Variants in CMIP observed in about 807,000 individuals in gnomAD.
The protein encoded by CMIP is C-Maf-inducing protein.
Under a neutral mutation model 97.3 loss-of-function variants are expected in CMIP, and 13 were observed. The ratio of observed to expected loss-of-function variants is 0.13; its 90% CI spans 0.09 to 0.21. The LOEUF (loss-of-function observed/expected upper bound fraction) is 0.21. Among genes scored for constraint, CMIP ranks in the 10% least tolerant of loss-of-function variants. The pLI is 1.00. For missense variants in CMIP, 847 were observed against 1,024.9 expected (o/e 0.83, Z 2.37); for synonymous variants, 538 against 436.3 (o/e 1.23, Z -2.91).
chr16:81,568,490 T>C (rs938033703), intron 1 of CMIP, among the ~76,000 whole-genome samples: 16 of 152,062 alleles, frequency 1.1e-4, no homozygotes, highest in African/African-American at 3.9e-4. Context: ...GCCTCGGGAG[T>C]GAGTCACTCT....
chr16:81,527,730 A>G (rs978611494), intron 1 of CMIP, among the ~76,000 whole-genome samples: 2 of 152,206 alleles, frequency 1.3e-5, no homozygotes, highest in Non-Finnish European at 2.9e-5. Context: ...CTTTGGCTCC[A>G]CATGTGTTTG....
chr16:81,688,554 G>A (rs1567663912), intron 10 of CMIP, among the ~76,000 whole-genome samples: 1 of 152,222 alleles, frequency 6.6e-6, no homozygotes, highest in Non-Finnish European at 1.5e-5. Context: ...AAGAGTAAAT[G>A]AACTAAGGTA....
In CMIP at chr16:81,445,365, C is replaced by T. The variant is rs1397847084; in HGVS notation, c.124C>T (p.Arg42Trp). 2 of 1,603,910 alleles carry T rather than the reference C, an allele frequency of 1.2e-6. No homozygotes were observed. Among genetic ancestry groups the T allele is most frequent in the Non-Finnish European group, 1.7e-6 (2 of 1,175,706 alleles). The change falls in exon 1 of 21, where the codon CGG becomes TGG. Residue 42 changes from arginine to tryptophan, a missense_variant. Transcript: ENST00000537098. ...GTKMGAVPCRRALLLCNGMRY... is the reference protein window; with the variant it reads ...GTKMGAVPCRWALLLCNGMRY... The stretch of plus-strand genomic sequence containing the variant: ...GAAGATGGGCGCCGTGCCCTGCCGC[C>T]GGGCTCTTCTGCTTTGCAACGGGAT...
intron 1 of CMIP, among the ~76,000 whole-genome samples, chr16:81,565,976 A>G (rs2090976564): frequency 6.6e-6 from 1 of 152,178 alleles, no homozygotes; most frequent in Admixed American, 6.5e-5. Context: ...CCGAACACTC[A>G]TAGCCAGCCC....
intron 1 of CMIP, among the ~76,000 whole-genome samples, chr16:81,512,049 G>A (rs144704110): frequency 1.3e-5 from 2 of 152,216 alleles, no homozygotes; most frequent in Non-Finnish European, 2.9e-5. Context: ...ATTATATGTT[G>A]AAGTGATAAT....
chr16:81,494,365 C>A (rs2150769670), intron 1 of CMIP, among the ~76,000 whole-genome samples: 1 of 152,336 alleles, frequency 6.6e-6, no homozygotes, highest in African/African-American at 2.4e-5. Context: ...AAGCTTTCCC[C>A]AGAACTGGCC....
Position 81,615,268 on chromosome 16 carries a change from G to A in CMIP, c.427-5608G>A, listed in dbSNP as rs565126312. ...CTGTGTGTGTGGTGTATGTGTCTAC[G>A]TGGTATGTGGCTGTGTGGTGTGTGT... On this transcript the variant is annotated intron_variant, in intron 2 of 20. Coordinates refer to ENST00000537098, the MANE Select transcript of CMIP (RefSeq NM_198390.3). 2.4e-3 allele frequency among the ~76,000 whole-genome samples: 349 copies of A among 145,078 alleles called. 1 individual carries two copies. The highest frequency in any genetic ancestry group is 8.4e-3 in the African/African-American group (327 of 38,854).
At chr16:81,525,991 TG>T (rs1425737782) in intron 1 of CMIP, among the ~76,000 whole-genome samples, 1 of 33,112 alleles carries the variant, frequency 3.0e-5, no homozygotes, top group African/African-American at 2.0e-4. Flanking sequence ...TGTGTGTGTG[TG>T]TGTGTGTGTG....
chr16:81,459,073 C>T (rs1029857277), intron 1 of CMIP, among the ~76,000 whole-genome samples: 9 of 151,968 alleles, frequency 5.9e-5, no homozygotes, highest in East Asian at 1.9e-4. Context: ...TCACCGTCAC[C>T]GTCACCATCA....
In CMIP at chr16:81,551,112, T is replaced by TCCCAGTTCCATCACACGGAC. The variant is rs1567574215; in HGVS notation, c.301-56438_301-56437insGACCCCAGTTCCATCACACG. On this transcript the variant is annotated intron_variant, in intron 1 of 20. Coordinates refer to ENST00000537098, the MANE Select transcript of CMIP (RefSeq NM_198390.3). The stretch of plus-strand genomic sequence containing the variant: ...ACGCACCCCAGTTCCATCACATATA[T>TCCCAGTTCCATCACACGGAC]CCCAGTTCCATCACACGCACCCCAG... Among the ~76,000 whole-genome samples, 30 of 37,558 alleles carry TCCCAGTTCCATCACACGGAC rather than the reference T, an allele frequency of 8.0e-4. 1 individual carries two copies. Among genetic ancestry groups the TCCCAGTTCCATCACACGGAC allele is most frequent in the African/African-American group, 2.6e-3 (25 of 9,504 alleles). The allele number at this position is 37,558 out of a possible 152,430, so 24.6% of individuals were successfully genotyped here. A position where few individuals can be genotyped will look rare whatever the true frequency, so the allele number is the denominator to read the frequency against.
chr16:81,664,861 A>G (rs969279448), intron 7 of CMIP: 1 of 184,720 alleles, frequency 5.4e-6, no homozygotes, highest in South Asian at 1.9e-4. Flanking sequence ...TAAAAACGAC[A>G]CTTGACCTCT....
At chr16:81,529,679 G>T (rs1268728133) in intron 1 of CMIP, among the ~76,000 whole-genome samples, 1 of 152,218 alleles carries the variant, frequency 6.6e-6, no homozygotes, top group African/African-American at 2.4e-5. Context: ...GACAGAGGGA[G>T]GTGGGAGAGT....
Position 81,493,138 on chromosome 16 carries a change from G to A in CMIP, c.300+47597G>A, listed in dbSNP as rs529652363. On this transcript the variant is annotated intron_variant, in intron 1 of 20. Coordinates refer to ENST00000537098, the MANE Select transcript of CMIP (RefSeq NM_198390.3). ...TTCCTGCCCCTCCAGGGTCTTGTAC[G>A]TCCTCACAGAGGACCTAGGGCCTTG... is the stretch of plus-strand genomic sequence containing the variant. 1.6e-4 allele frequency among the ~76,000 whole-genome samples: 24 copies of A among 152,234 alleles called. No individual in the cohort carries two copies. The East Asian group carries it at 3.9e-3, about 25-fold the overall frequency.
intron 1 of CMIP, among the ~76,000 whole-genome samples, chr16:81,515,793 C>G (rs887899316): frequency 6.6e-6 from 1 of 152,086 alleles, no homozygotes; most frequent in Non-Finnish European, 1.5e-5. Flanking sequence ...TTCTTGTGTC[C>G]CAGGCTCCCG....
chr16:81,512,259 A>C (rs1446653233), intron 1 of CMIP, among the ~76,000 whole-genome samples: 1 of 152,122 alleles, frequency 6.6e-6, no homozygotes, highest in African/African-American at 2.4e-5. Flanking sequence ...GTTTCTGTGC[A>C]CTTCCAGTTG....
At position 81,683,463 on chromosome 16, in the gene CMIP, C is replaced by T. The variant is rs565913083; in HGVS notation, c.1388+4835C>T. 9.2e-5 allele frequency among the ~76,000 whole-genome samples: 14 copies of T among 152,316 alleles called. No individual in the cohort carries two copies. The East Asian group carries it at 2.7e-3, about 29-fold the overall frequency. ...CTGTATTACCTGCAGTAGTTCCGCT[C>T]ACTGCAACCTCTGCCCCCCAGGTTC... On this transcript the variant is annotated intron_variant, in intron 10 of 20. Coordinates refer to ENST00000537098, the MANE Select transcript of CMIP (RefSeq NM_198390.3).
At chr16:81,531,140 C>A (rs532007123) in intron 1 of CMIP, among the ~76,000 whole-genome samples, 1 of 151,902 alleles carries the variant, frequency 6.6e-6, no homozygotes, top group Admixed American at 6.5e-5. Flanking sequence ...GGAGGTCATG[C>A]TGGAGGAGAG....
rs1267430105 is a variant in CMIP, at chr16:81,499,643, G to T, written c.300+54102G>T. 4.6e-5 allele frequency among the ~76,000 whole-genome samples: 7 copies of T among 152,244 alleles called. No individual in the cohort carries two copies. The East Asian group carries it at 1.3e-3, about 29-fold the overall frequency. ...CAAGAATCTGGGAATGTCCTTAGCA[G>T]ACTGGGCTGGCATGTGGCCTCTGCC... On this transcript the variant is annotated intron_variant, in intron 1 of 20. Transcript: ENST00000537098.
intron 1 of CMIP, among the ~76,000 whole-genome samples, chr16:81,514,051 CAA>C (rs34808318): frequency 0.43 from 65,755 of 151,738 alleles, 15,570 homozygotes; most frequent in East Asian, 0.76. Context: ...CAAAACAAAA[CAA>C]AAACGCCGCC....
Sources: allele counts gnomAD v4.1 joint callset (sites outside exome capture counted in the v4.1 genomes callset), GRCh38; gene constraint gnomAD v4.1.1; transcripts MANE v1.5; gene names NCBI Gene and HGNC (gene_info 2026-07-23, HGNC 2026-07-21).